BTD: variants seen among roughly 807,000 people sequenced by gnomAD.
BTD encodes biotinidase, also known as biocytinase.
Under a neutral mutation model 17.7 loss-of-function variants are expected in BTD, and 13 were observed. The ratio of observed to expected loss-of-function variants is 0.74; its 90% CI spans 0.48 to 1.17. The LOEUF is 1.17. BTD is among the 50% of genes most tolerant of loss of function. The probability of loss-of-function intolerance (pLI) is 0.00; values close to 1 mark genes in which losing one functional copy is unlikely to be tolerated. For synonymous variants in BTD, 240 were observed against 245.2 expected, an observed-to-expected ratio of 0.98 and a Z score of 0.20; for missense variants, 674 against 650.4, an observed-to-expected ratio of 1.04 and a Z score of -0.39.
intron 3 of BTD, chr3:15,677,462 C>G (rs2067063605): frequency 6.4e-7 from 1 of 1,568,864 alleles, no homozygotes; most frequent in African/African-American, 1.4e-5. Context: ...GAAACATATT[C>G]TTAAGATGTA....
intron 3 of BTD, chr3:15,677,431 T>C (rs2067059178): frequency 2.8e-6 from 4 of 1,405,154 alleles, no homozygotes; most frequent in Middle Eastern, 1.8e-4. Context: ...ACTTTTAAGG[T>C]CACTGTTAAT....
intron 4 of BTD, among the ~76,000 whole-genome samples, chr3:15,717,817 A>AT (rs2073250107): frequency 6.6e-6 from 1 of 152,184 alleles, no homozygotes. Context: ...AACCTGATTC[A>AT]TTTTACCTCT....
intron 3 of BTD, chr3:15,697,368 T>C (rs1455212290): frequency 1.3e-5 from 2 of 152,148 alleles, no homozygotes; most frequent in Non-Finnish European, 2.9e-5. Flanking sequence ...ACACATTGGA[T>C]ACAGTGTACA....
intron 1 of BTD, among the ~76,000 whole-genome samples, chr3:15,607,671 T>C (rs1442618175): frequency 6.6e-6 from 1 of 152,210 alleles, no homozygotes; most frequent in African/African-American, 2.4e-5. Flanking sequence ...TGTTTACTTA[T>C]CAAATGAGGA....
chr3:15,666,781 T>C (rs2066003948), intron 3 of BTD, among the ~76,000 whole-genome samples: 1 of 152,244 alleles, frequency 6.6e-6, no homozygotes, highest in Non-Finnish European at 1.5e-5. Context: ...TTTAAAGAGC[T>C]GCTGATTTTG....
chr3:15,703,898 G>T (rs1314950691), intron 3 of BTD, among the ~76,000 whole-genome samples: 2 of 152,170 alleles, frequency 1.3e-5, no homozygotes, highest in Non-Finnish European at 2.9e-5. Flanking sequence ...GATTAAGGCT[G>T]TGAGGGACAT....
chr3:15,707,394 T>G (rs1379178757), intron 3 of BTD, among the ~76,000 whole-genome samples: 1 of 152,212 alleles, frequency 6.6e-6, no homozygotes, highest in African/African-American at 2.4e-5. Flanking sequence ...TTACTTATTC[T>G]GCCATCTAAT....
At chr3:15,685,679 A>C (rs556734618) in intron 3 of BTD, among the ~76,000 whole-genome samples, 1 of 152,358 alleles carries the variant, frequency 6.6e-6, no homozygotes, top group East Asian at 1.9e-4. Context: ...GAAACTTGGT[A>C]TTCAATGAAA....
At chr3:15,685,688 AAAT>A (rs1409072805) in intron 3 of BTD, among the ~76,000 whole-genome samples, 1 of 152,222 alleles carries the variant, frequency 6.6e-6, no homozygotes, top group Non-Finnish European at 1.5e-5. Flanking sequence ...TATTCAATGA[AAAT>A]AATGATATTT....
intron 3 of BTD, among the ~76,000 whole-genome samples, chr3:15,688,536 T>C (rs1157366848): frequency 6.6e-6 from 1 of 152,250 alleles, no homozygotes; most frequent in East Asian, 1.9e-4. Context: ...TTAGAGGTTC[T>C]AATGTATTAT....
At chr3:15,627,908 G>A (rs1456801996) in intron 1 of BTD, among the ~76,000 whole-genome samples, 1 of 152,172 alleles carries the variant, frequency 6.6e-6, no homozygotes, top group Non-Finnish European at 1.5e-5. Context: ...TTTTAGTAGA[G>A]TTGGGGTTTC....
chr3:15,626,780 C>CAAAAAAA (rs374875165), intron 1 of BTD, among the ~76,000 whole-genome samples: 6 of 94,942 alleles, frequency 6.3e-5, no homozygotes, highest in Middle Eastern at 5.4e-3. Context: ...GACCCTGTCT[C>CAAAAAAA]AAAAAAAAAA....
chr3:15,678,134 G>C, intron 3 of BTD: 2 of 1,395,778 alleles, frequency 1.4e-6, no homozygotes, highest in Non-Finnish European at 1.9e-6. Flanking sequence ...GTTGAAGTCA[G>C]AAGTCTTGGG....
intron 1 of BTD, among the ~76,000 whole-genome samples, chr3:15,615,081 A>G (rs886075563): frequency 6.6e-6 from 1 of 152,032 alleles, no homozygotes; most frequent in Non-Finnish European, 1.5e-5. Flanking sequence ...GTAATTTTGA[A>G]TTTTGAGCTC....
chr3:15,677,150 T>A lies in BTD; in HGVS notation c.400-32910T>A. 3 of 917,530 alleles carry A rather than the reference T, an allele frequency of 3.3e-6. No homozygotes were observed. In the South Asian group the frequency reaches 4.3e-5, roughly 13 times the overall value. 56.8% of individuals were successfully genotyped at this position (917,530 alleles called of 1,614,324 possible). A position where few individuals can be genotyped will look rare whatever the true frequency, so the allele number is the denominator to read the frequency against. ...CTGCAATCCTAGTCCATATATTATG[T>A]ACAACACCATACATATACCATGAAT... On this transcript the variant is annotated intron_variant, in intron 3 of 3. Coordinates refer to the BTD transcript ENST00000672141.
chr3:15,655,763 G>C (rs375277405), downstream of BTD, among the ~76,000 whole-genome samples: 4 of 152,298 alleles, frequency 2.6e-5, no homozygotes, highest in African/African-American at 9.6e-5. Context: ...AATAAGAAAC[G>C]AAACAGTATT....
chr3:15,664,260 T>C (rs771214214), intron 3 of BTD, among the ~76,000 whole-genome samples: 2 of 152,212 alleles, frequency 1.3e-5, no homozygotes, highest in Admixed American at 6.5e-5. Flanking sequence ...CTATTTCTCA[T>C]TGCAGTTCTA....
At chr3:15,670,138 A>T in intron 3 of BTD, 2 of 997,826 alleles carry the variant, frequency 2.0e-6, no homozygotes, top group Non-Finnish European at 2.9e-6. Context: ...TAATGCCATC[A>T]GATCTCTTAA....
At chr3:15,691,814 T>G (rs2068838958) in intron 3 of BTD, among the ~76,000 whole-genome samples, 1 of 152,116 alleles carries the variant, frequency 6.6e-6, no homozygotes, top group South Asian at 2.1e-4. Flanking sequence ...AATCATACAT[T>G]AAATATAAAA....
Sources: allele counts gnomAD v4.1 joint callset (sites outside exome capture counted in the v4.1 genomes callset), GRCh38; gene constraint gnomAD v4.1.1; transcripts MANE v1.5; gene names NCBI Gene and HGNC (gene_info 2026-07-23, HGNC 2026-07-21).